The following LPCAT3 variants were observed in gnomAD, a reference collection of about 807,000 sequenced individuals.
LPCAT3 encodes the protein lysophospholipid acyltransferase 5.
Under a neutral mutation model 63.4 loss-of-function variants are expected in LPCAT3, and 21 were observed. That is an observed-to-expected ratio of 0.33 (90% CI 0.23 to 0.48). The LOEUF is 0.48. Ranked by LOEUF, LPCAT3 falls within the 20% of genes least tolerant of loss-of-function variation. LPCAT3 has a pLI of 0.99. For missense variants in LPCAT3, 451 were observed against 590.6 expected, an observed-to-expected ratio of 0.76 and a Z score of 2.45; for synonymous variants, 242 against 227.5, an observed-to-expected ratio of 1.06 and a Z score of -0.58.
At chr12:6,994,683 G>A (rs1555155859) in intron 1 of LPCAT3, among the ~76,000 whole-genome samples, 1 of 152,216 alleles carries the variant, frequency 6.6e-6, no homozygotes, top group Non-Finnish European at 1.5e-5. Context: ...TCGAACTCCT[G>A]AGCTCAAGCA....
chr12:6,980,231 T>TG (rs782774145), intron 6 of LPCAT3, among the ~76,000 whole-genome samples: 3 of 151,882 alleles, frequency 2.0e-5, no homozygotes, highest in Non-Finnish European at 4.4e-5. Flanking sequence ...TTTGTAGAGA[T>TG]GGGGTCTCAC....
chr12:7,014,105 A>T lies in LPCAT3; in HGVS notation c.151+4169T>A, dbSNP rs190792128. On this transcript the variant is annotated intron_variant, in intron 1 of 12. Transcript: ENST00000261407. ...GCATGCTGAAACCTTACTCATCTTT[A>T]AATGAAATGTCCCATCTTTAAATCT... 1.5e-3 allele frequency among the ~76,000 whole-genome samples: 234 copies of T among 152,330 alleles called. 2 individuals are homozygous for T. Among genetic ancestry groups the T allele is most frequent in the African/African-American group, 5.5e-3 (227 of 41,568 alleles).
intron 7 of LPCAT3, 63 bp from the exon 8 acceptor site, chr12:6,978,752 TCTTC>T: frequency 6.3e-7 from 1 of 1,585,686 alleles, no homozygotes; most frequent in East Asian, 2.3e-5. Context: ...CTCTCAGCAC[TCTTC>T]CTTTTCACAC....
rs1332087946 is a variant in LPCAT3, at chr12:6,977,827, G to A, written c.1041-82C>T. On this transcript the variant is annotated intron_variant, in intron 9 of 12. Coordinates refer to ENST00000261407, the MANE Select transcript of LPCAT3 (RefSeq NM_005768.6). This position sits in a 1 kb window ranked among gnomAD's most constrained non-coding sequence, Gnocchi z 4.5. ...ACCTGCCTCTGGGTCCTCACCCTGA[G>A]GATTGGATTGGAGTGCTGGTGGGTT... is the stretch of plus-strand genomic sequence containing the variant. 1 of 1,545,742 alleles carries A rather than the reference G, an allele frequency of 6.5e-7. No individual in the cohort carries two copies. The highest frequency in any genetic ancestry group is 1.4e-5 in the African/African-American group (1 of 73,672).
At chr12:6,999,136 T>G (rs1946664103) in intron 1 of LPCAT3, among the ~76,000 whole-genome samples, 1 of 152,234 alleles carries the variant, frequency 6.6e-6, no homozygotes, top group Non-Finnish European at 1.5e-5. Flanking sequence ...TTATGTTTGC[T>G]TATCCTCCTA....
rs1591710937 is a variant in LPCAT3 at position 6,977,939 on chromosome 12, A to G, written c.1041-194T>C. 1.1e-5 allele frequency: 7 copies of G among 635,054 alleles called. No homozygotes were observed. Among genetic ancestry groups the G allele is most frequent in the Non-Finnish European group, 1.9e-5 (7 of 372,902 alleles). 39.3% of individuals were successfully genotyped at this position (635,054 alleles called of 1,614,324 possible). A position where few individuals can be genotyped will look rare whatever the true frequency, so the allele number is the denominator to read the frequency against. On this transcript the variant is annotated intron_variant, in intron 9 of 12. Coordinates refer to ENST00000261407, the MANE Select transcript of LPCAT3 (RefSeq NM_005768.6). The surrounding 1 kb of genome is among the most constrained non-coding windows in gnomAD (Gnocchi z 4.5). ...AAGCAGACCCAAGGCGGAGCTGGAGACCGTGTGCGCACGAGCCACTTGGTT... is the reference window on the plus strand; with the variant it reads ...AAGCAGACCCAAGGCGGAGCTGGAGGCCGTGTGCGCACGAGCCACTTGGTT...
intron 1 of LPCAT3, among the ~76,000 whole-genome samples, chr12:7,004,476 A>G (rs1260777138): frequency 2.6e-5 from 4 of 152,258 alleles, no homozygotes; most frequent in Admixed American, 2.6e-4. Context: ...CTAAGGTCAC[A>G]GTGCTGGAAG....
rs1425242273 is a variant in LPCAT3, at chr12:6,983,347, A to G, written c.259+85T>C. On this transcript the variant is annotated intron_variant, in intron 2 of 12. Transcript: ENST00000261407. The stretch of plus-strand genomic sequence containing the variant: ...GAGCATTATAACTTCCCTACCTATT[A>G]GATTCTCTCAAGGAAATTTTGTTCA... 1.8e-5 allele frequency: 15 copies of G among 853,500 alleles called. No individual in the cohort carries two copies. The East Asian group carries it at 3.7e-4, about 21-fold the overall frequency. 52.9% of individuals were successfully genotyped at this position (853,500 alleles called of 1,614,324 possible). A position where few individuals can be genotyped will look rare whatever the true frequency, so the allele number is the denominator to read the frequency against.
Position 7,018,248 on chromosome 12 carries a change from G to A in LPCAT3, c.151+26C>T, listed in dbSNP as rs1364221767. The stretch of plus-strand genomic sequence containing the variant: ...CTACTCCCCGGGGACTCCGCGAGGG[G>A]CGGAGGGAGGCAGGAGGGTCCTTAC... On this transcript the variant is annotated intron_variant, in intron 1 of 12. Transcript: ENST00000261407. The surrounding 1 kb of genome is among the most constrained non-coding windows in gnomAD (Gnocchi z 4.9). 5.1e-6 allele frequency: 8 copies of A among 1,578,546 alleles called. No individual in the cohort carries two copies. Among genetic ancestry groups the A allele is most frequent in the Non-Finnish European group, 6.9e-6 (8 of 1,162,088 alleles).
At position 6,977,873 on chromosome 12, in the gene LPCAT3, G is replaced by GTT; in HGVS notation, c.1041-129_1041-128insAA. 1 of 1,081,094 alleles carries GTT rather than the reference G, an allele frequency of 9.2e-7. No individual in the cohort carries two copies. The highest frequency in any genetic ancestry group is 1.4e-6 in the Non-Finnish European group (1 of 730,872). The allele number at this position is 1,081,094 out of a possible 1,614,324, so 67.0% of individuals were successfully genotyped here. A position where few individuals can be genotyped will look rare whatever the true frequency, so the allele number is the denominator to read the frequency against. ...GGGTTCCCACGTGTAGCCCCCAGAG[G>GTT]GTACAGGAGGCAGTGCTGACTGATT... is the stretch of plus-strand genomic sequence containing the variant. On this transcript the variant is annotated intron_variant, in intron 9 of 12. Coordinates refer to ENST00000261407, the MANE Select transcript of LPCAT3 (RefSeq NM_005768.6). The surrounding 1 kb of genome is among the most constrained non-coding windows in gnomAD (Gnocchi z 4.5).
chr12:6,982,467 T>C (rs762856386), intron 3 of LPCAT3, among the ~76,000 whole-genome samples: 7 of 152,200 alleles, frequency 4.6e-5, no homozygotes, highest in Non-Finnish European at 8.8e-5. Context: ...TGGTGGCCCT[T>C]CCTTGAGGCA....
intron 1 of LPCAT3, among the ~76,000 whole-genome samples, chr12:7,016,668 T>A (rs1435891193): frequency 6.6e-6 from 1 of 152,242 alleles, no homozygotes; most frequent in Non-Finnish European, 1.5e-5. Context: ...ATTATAAGCA[T>A]AAGCCGCTGC....
intron 1 of LPCAT3, among the ~76,000 whole-genome samples, chr12:7,016,833 A>T (rs1413313552): frequency 6.6e-6 from 1 of 152,238 alleles, no homozygotes; most frequent in Non-Finnish European, 1.5e-5. Context: ...GGTGACACTG[A>T]GCAAACTGCA....
intron 5 of LPCAT3, 112 bp from the exon 6 acceptor site, chr12:6,981,294 TTC>T: frequency 1.2e-6 from 1 of 865,948 alleles, no homozygotes; most frequent in East Asian, 2.5e-5. Flanking sequence ...TCAAATAGCC[TTC>T]TCTTTGGGGG....
At chr12:6,991,045 C>T (rs781918755) in intron 1 of LPCAT3, among the ~76,000 whole-genome samples, 5 of 151,074 alleles carry the variant, frequency 3.3e-5, no homozygotes, top group South Asian at 2.1e-4. Context: ...TAAATGTAAA[C>T]CACTATATTT....
At chr12:7,006,095 C>T (rs977210398) in intron 1 of LPCAT3, among the ~76,000 whole-genome samples, 1 of 152,152 alleles carries the variant, frequency 6.6e-6, no homozygotes, top group Non-Finnish European at 1.5e-5. Context: ...TCTGTTGAGA[C>T]GATGACCTGG....
Position 6,977,370 on chromosome 12 carries a change from A to G in LPCAT3, c.1344T>C (p.Leu448=), listed in dbSNP as rs1555153393. The G allele has an allele frequency of 5.6e-6, 9 of 1,614,224 alleles. No individual in the cohort carries two copies. The highest frequency in any genetic ancestry group is 8.5e-7 in the Non-Finnish European group (1 of 1,180,038). The change falls in exon 11 of 13, where the codon CTT becomes CTC. Residue 448 remains leucine, a synonymous_variant. Coordinates refer to ENST00000261407, the MANE Select transcript of LPCAT3 (RefSeq NM_005768.6). The surrounding 1 kb of genome is among the most constrained non-coding windows in gnomAD (Gnocchi z 4.5). ...TCACAAGCAGGCCTTCACTTGCCTTAAGCCATTTGTCCCACGTGAAGAGGC... is the reference window on the plus strand; with the variant it reads ...TCACAAGCAGGCCTTCACTTGCCTTGAGCCATTTGTCCCACGTGAAGAGGC... The part of the protein sequence containing the change: ...AFCLFTWDKW[L]KVYKSIYFLG...
rs1217761876 is a variant in LPCAT3, at chr12:6,976,336, AAC to A, written c.*566_*567del. 2 of 154,068 alleles carry A rather than the reference AAC, an allele frequency of 1.3e-5. No homozygotes were observed. The highest frequency in any genetic ancestry group is 6.5e-5 in the Admixed American group (1 of 15,470). 9.5% of individuals were successfully genotyped at this position (154,068 alleles called of 1,614,324 possible). ...AATCATAGTAAATTGGCAGAAGAAA[AAC>A]ACAATAGATTCCTGGCTAGATGGGG... On this transcript the variant is annotated 3_prime_UTR_variant, in exon 13 of 13. Transcript: ENST00000261407.
chr12:6,990,720 T>G (rs1210591513), intron 1 of LPCAT3, among the ~76,000 whole-genome samples: 1 of 150,568 alleles, frequency 6.6e-6, no homozygotes, highest in Non-Finnish European at 1.5e-5. Context: ...GTCAGGAGTT[T>G]GAGACCATCC....
Sources: gnomAD v4.1 joint callset for allele counts (sites outside exome capture counted in the v4.1 genomes callset) on GRCh38, gnomAD v4.1.1 for gene constraint, Gnocchi (gnomAD v3.1) non-coding constraint, MANE v1.5 for transcripts, NCBI Gene and HGNC (gene_info 2026-07-23, HGNC 2026-07-21) for gene names.